OSTN: variants seen among roughly 807,000 people sequenced by gnomAD.
The protein encoded by OSTN is osteocrin.
Under a neutral mutation model 12.0 loss-of-function variants are expected in OSTN, and 9 were observed. That is an observed-to-expected ratio of 0.75 (90% CI 0.45 to 1.30). OSTN has a LOEUF of 1.30. OSTN is among the 50% of genes most tolerant of loss of function. The pLI is 0.00. For synonymous variants in OSTN, 59 were observed against 56.9 expected, an observed-to-expected ratio of 1.04 and a Z score of -0.16; for missense variants, 148 against 152.3, an observed-to-expected ratio of 0.97 and a Z score of 0.15.
chr3:191,259,200 G>GTTTT lies in OSTN; in HGVS notation c.*13-3657_*13-3654dup, dbSNP rs34341899. On this transcript the variant is annotated intron_variant, in intron 4 of 4. Coordinates refer to ENST00000682035, the MANE Select transcript of OSTN (RefSeq NM_198184.2). The stretch of plus-strand genomic sequence containing the variant: ...GTGAAAGTAAACGGGAAAACAATCT[G>GTTTT]TTTTTTTTTTTTGAGACAGACTCTT... Among the ~76,000 whole-genome samples the GTTTT allele has an allele frequency of 3.8e-3, 553 of 147,316 alleles. 5 individuals are homozygous for GTTTT. Among genetic ancestry groups the GTTTT allele is most frequent in the African/African-American group, 5.6e-3 (223 of 39,816 alleles).
Position 191,250,138 on chromosome 3 carries a change from G to C in OSTN, c.*12+5G>C. 1 of 1,566,678 alleles carries C rather than the reference G, an allele frequency of 6.4e-7. No individual in the cohort carries two copies. The highest frequency in any genetic ancestry group is 8.8e-7 in the Non-Finnish European group (1 of 1,137,028). The stretch of plus-strand genomic sequence containing the variant: ...AGAGGCTAATTGATTCCAATTGTGA[G>C]TACAATTTGAATAAGTAACAGTATA... On this transcript the variant is annotated splice_donor_5th_base_variant and intron_variant, in intron 4 of 4. Transcript: ENST00000682035.
chr3:191,209,726 C>A (rs189277570), intron 1 of OSTN, among the ~76,000 whole-genome samples: 8 of 151,972 alleles, frequency 5.3e-5, no homozygotes, highest in Non-Finnish European at 1.0e-4. Context: ...CACATACCAG[C>A]ATGTAACATT....
Position 191,218,952 on chromosome 3 carries a change from G to C in OSTN, c.308G>C (p.Gly103Ala). ...TCAGCTGGCTCTGTAGATCACAAAG[G>C]TAAACAGAGGTAAGTGAACTCAGAA... ...RLSAGSVDHK[G>A]KQRKVVDHPK... Residue 103 changes from glycine to alanine, a missense_variant, in exon 3 of 5, where the codon GGT becomes GCT. Transcript: ENST00000682035. 1 of 1,610,756 alleles carries C rather than the reference G, an allele frequency of 6.2e-7. No homozygotes were observed. The highest frequency in any genetic ancestry group is 8.5e-7 in the Non-Finnish European group (1 of 1,178,710).
chr3:191,211,627 T>G (rs1714420285), intron 1 of OSTN, among the ~76,000 whole-genome samples: 2 of 152,144 alleles, frequency 1.3e-5, no homozygotes. Context: ...CCACCAGAAT[T>G]TTTTTTCCTA....
intron 1 of OSTN, among the ~76,000 whole-genome samples, chr3:191,211,956 G>T (rs987413005): frequency 4.0e-5 from 6 of 151,098 alleles, no homozygotes; most frequent in Non-Finnish European, 7.4e-5. Context: ...TTTTTTTATT[G>T]TATTTAATAT....
At chr3:191,260,773 A>G (rs1305342778) in intron 4 of OSTN, among the ~76,000 whole-genome samples, 1 of 152,220 alleles carries the variant, frequency 6.6e-6, no homozygotes, top group Non-Finnish European at 1.5e-5. Flanking sequence ...TCTCCAGGAC[A>G]TAAAACTGAA....
intron 3 of OSTN, among the ~76,000 whole-genome samples, chr3:191,233,485 G>A (rs1715111459): frequency 6.6e-6 from 1 of 151,894 alleles, no homozygotes; most frequent in African/African-American, 2.4e-5. Context: ...CACCCAAGCT[G>A]GAGTGCAGTG....
chr3:191,210,396 TG>T, intron 1 of OSTN, among the ~76,000 whole-genome samples: 1 of 152,154 alleles, frequency 6.6e-6, no homozygotes, highest in African/African-American at 2.4e-5. Flanking sequence ...TTCAAGAAAA[TG>T]TCAAAAAAAA....
chr3:191,230,128 T>C (rs1483234520), intron 3 of OSTN, among the ~76,000 whole-genome samples: 1 of 150,492 alleles, frequency 6.6e-6, no homozygotes, highest in Non-Finnish European at 1.5e-5. Context: ...TCAATACTTT[T>C]CAAGAAATAG....
At chr3:191,220,564 G>A (rs1465598975) in intron 3 of OSTN, among the ~76,000 whole-genome samples, 1 of 152,122 alleles carries the variant, frequency 6.6e-6, no homozygotes, top group Admixed American at 6.5e-5. Flanking sequence ...CAACTATAGA[G>A]AACAGTTTAG....
rs141786564 is a variant in OSTN, at chr3:191,256,666, A to G, written c.*13-6200A>G. ...GCAGCTTAGTCAAACAGCAAATAAA[A>G]TTTTTTACTACCTCTTATTAATACT... is the stretch of plus-strand genomic sequence containing the variant. On this transcript the variant is annotated intron_variant, in intron 4 of 4. Transcript: ENST00000682035. Among the ~76,000 whole-genome samples the G allele has an allele frequency of 2.2e-3, 329 of 151,672 alleles. 3 individuals are homozygous for G. Among genetic ancestry groups the G allele is most frequent in the South Asian group, 0.022 (104 of 4,804 alleles).
At chr3:191,247,503 C>A (rs945909369) in intron 3 of OSTN, among the ~76,000 whole-genome samples, 3 of 151,990 alleles carry the variant, frequency 2.0e-5, no homozygotes, top group African/African-American at 7.3e-5. Flanking sequence ...AAAAAAAGAT[C>A]ACACATATAG....
At chr3:191,209,850 T>C (rs1201367176) in intron 1 of OSTN, among the ~76,000 whole-genome samples, 1 of 152,230 alleles carries the variant, frequency 6.6e-6, no homozygotes, top group East Asian at 1.9e-4. Context: ...GAAATACTCT[T>C]TGAAGACATC....
chr3:191,252,202 G>A (rs1225080625), intron 4 of OSTN, among the ~76,000 whole-genome samples: 1 of 152,180 alleles, frequency 6.6e-6, no homozygotes, highest in African/African-American at 2.4e-5. Flanking sequence ...TGGGACTACA[G>A]GCGTGCGCCA....
At chr3:191,251,043 G>T (rs1171075304) in intron 4 of OSTN, among the ~76,000 whole-genome samples, 1 of 152,012 alleles carries the variant, frequency 6.6e-6, no homozygotes, top group Non-Finnish European at 1.5e-5. Context: ...CATTAAATTA[G>T]AATAATAATT....
intron 3 of OSTN, among the ~76,000 whole-genome samples, chr3:191,244,931 C>G (rs989215841): frequency 6.6e-6 from 1 of 151,998 alleles, no homozygotes; most frequent in East Asian, 1.9e-4. Flanking sequence ...CCATGAGTTA[C>G]TATTTTATCC....
At chr3:191,208,059 C>T (rs568073216) in intron 1 of OSTN, among the ~76,000 whole-genome samples, 11 of 152,240 alleles carry the variant, frequency 7.2e-5, no homozygotes, top group East Asian at 1.9e-4. Flanking sequence ...TCTTATAAGG[C>T]GGATTCCATG....
Position 191,264,687 on chromosome 3 carries a change from T to C in OSTN, c.*1834T>C, listed in dbSNP as rs7637969. On this transcript the variant is annotated 3_prime_UTR_variant, in exon 5 of 5. Coordinates refer to ENST00000682035, the MANE Select transcript of OSTN (RefSeq NM_198184.2). The stretch of plus-strand genomic sequence containing the variant: ...AACCTTGTGATGAACTATAGAAATG[T>C]TTCCTATTGCTTAGAAGCTCTTTCT... The C allele has an allele frequency of 0.19, 28,930 of 152,066 alleles. 2,992 individuals carry two copies. The highest frequency in any genetic ancestry group is 0.25 in the Admixed American group (3,847 of 15,270). 9.4% of individuals were successfully genotyped at this position (152,066 alleles called of 1,614,324 possible).
rs367570650 is a variant in OSTN at position 191,212,547 on chromosome 3, A to G, written c.15A>G (p.Arg5=). ...GTAACCCTTAGATGCTGGACTGGAG[A>G]TTGGCAAGTGCACATTTCATCCTGG... MLDW[R]LASAHFILAV... The change falls in exon 2 of 5, where the codon AGA becomes AGG. Residue 5 remains arginine (R), a synonymous_variant. Coordinates refer to ENST00000682035, the MANE Select transcript of OSTN (RefSeq NM_198184.2). 47 of 1,587,052 alleles carry G rather than the reference A, an allele frequency of 3.0e-5. No individual in the cohort carries two copies. The highest frequency in any genetic ancestry group is 3.7e-5 in the Non-Finnish European group (43 of 1,162,844).
Sources: gnomAD v4.1 joint callset for allele counts (sites outside exome capture counted in the v4.1 genomes callset) on GRCh38, gnomAD v4.1.1 for gene constraint, MANE v1.5 for transcripts, NCBI Gene and HGNC (gene_info 2026-07-23, HGNC 2026-07-21) for gene names.